Variants in ZNF740 observed in about 807,000 individuals in gnomAD.
ZNF740 encodes oriLyt TD-element-binding protein 7.
In ZNF740, 14 loss-of-function variants were observed where a neutral mutation model predicts 24.8. The ratio of observed to expected loss-of-function variants is 0.56; its 90% CI spans 0.37 to 0.88. ZNF740 has a LOEUF of 0.88. ZNF740 is among the 40% of genes least tolerant of loss of function. The pLI is 0.00. For synonymous variants in ZNF740, 69 were observed against 84.0 expected (o/e 0.82, Z 0.98); for missense variants, 201 against 247.9 (o/e 0.81, Z 1.27).
chr12:53,183,211 G>A (rs1299728160), intron 2 of ZNF740, among the ~76,000 whole-genome samples: 4 of 152,218 alleles, frequency 2.6e-5, no homozygotes, highest in African/African-American at 4.8e-5. Context: ...TGAACTTTGT[G>A]CTAGACACTG....
rs1942086855 is a variant in ZNF740 at position 53,194,478 on chromosome 12, CA to C, written c.*6889del. 1.2e-6 allele frequency: 1 copy of C among 818,082 alleles called. No homozygotes were observed. 50.7% of individuals were successfully genotyped at this position (818,082 alleles called of 1,614,324 possible). A position where few individuals can be genotyped will look rare whatever the true frequency, so the allele number is the denominator to read the frequency against. ...CACCTGGGGCTCCTTCCATTCTGCCCAGTCGAGGCATTTCTGGAGGGAGGAC... is the reference window on the plus strand; with the variant it reads ...CACCTGGGGCTCCTTCCATTCTGCCCGTCGAGGCATTTCTGGAGGGAGGAC... On this transcript the variant is annotated 3_prime_UTR_variant, in exon 7 of 7. Coordinates refer to ENST00000416904, the MANE Select transcript of ZNF740 (RefSeq NM_001004304.4).
chr12:53,195,067 T>G lies in ZNF740; in HGVS notation c.*7477T>G. ...TTATGAAGCAAGGCTTTTGGCAGGG[T>G]TAAATGAAGTAGCAAACAGTATGTA... On this transcript the variant is annotated 3_prime_UTR_variant, in exon 7 of 7. Transcript: ENST00000416904. 3.0e-6 allele frequency: 1 copy of G among 334,944 alleles called. No individual in the cohort carries two copies. Among genetic ancestry groups the G allele is most frequent in the Non-Finnish European group, 5.6e-6 (1 of 179,698 alleles). The allele number at this position is 334,944 out of a possible 1,614,324, so 20.7% of individuals were successfully genotyped here.
chr12:53,187,412 G>C, intron 6 of ZNF740, 89 bp from the exon 7 acceptor site: 3 of 1,041,146 alleles, frequency 2.9e-6, no homozygotes, highest in Non-Finnish European at 4.4e-6. Context: ...GATGGAGAAT[G>C]TGGTATCTGC....
Position 53,192,369 on chromosome 12 carries a change from C to T in ZNF740, c.*4779C>T, listed in dbSNP as rs747774269. The T allele has an allele frequency of 1.5e-5, 24 of 1,613,982 alleles. No individual in the cohort carries two copies. The highest frequency in any genetic ancestry group is 2.2e-5 in the East Asian group (1 of 44,876). On this transcript the variant is annotated 3_prime_UTR_variant, in exon 7 of 7. Transcript: ENST00000416904. ...ACTCTGAGCACGACCGTGCCTCTGG[C>T]GTCATCCTCCACCAAGAAGAAGAAC...
chr12:53,192,078 T>C lies in ZNF740; in HGVS notation c.*4488T>C. ...CTGGAGCATAGGGACAGATCATCAGTTGCTCACAGTGTGTCCAGCCTGTCC... is the reference window on the plus strand; with the variant it reads ...CTGGAGCATAGGGACAGATCATCAGCTGCTCACAGTGTGTCCAGCCTGTCC... On this transcript the variant is annotated 3_prime_UTR_variant, in exon 7 of 7. Transcript: ENST00000416904. 1 of 1,567,436 alleles carries C rather than the reference T, an allele frequency of 6.4e-7. No individual in the cohort carries two copies. The highest frequency in any genetic ancestry group is 8.7e-7 in the Non-Finnish European group (1 of 1,151,748).
Position 53,193,184 on chromosome 12 carries a change from C to G in ZNF740, c.*5594C>G. 1.2e-6 allele frequency: 2 copies of G among 1,614,132 alleles called. No homozygotes were observed. The highest frequency in any genetic ancestry group is 1.7e-6 in the Non-Finnish European group (2 of 1,179,990). ...ATGTCGCTCACAGCTGGCATCGTCA[C>G]ACTCGCACAGATGCCCAGAGCTCTG... On this transcript the variant is annotated 3_prime_UTR_variant, in exon 7 of 7. Coordinates refer to ENST00000416904, the MANE Select transcript of ZNF740 (RefSeq NM_001004304.4).
In ZNF740 at chr12:53,190,122, G is replaced by A. The variant is rs912487580; in HGVS notation, c.*2532G>A. ...CAGTGAGGGAAACTCAGGAGCAGGT[G>A]GTTGGTTCAGTTCCCGCGCTGATGT... On this transcript the variant is annotated 3_prime_UTR_variant, in exon 7 of 7. Transcript: ENST00000416904. 6.6e-6 allele frequency: 1 copy of A among 152,382 alleles called. No homozygotes were observed. The highest frequency in any genetic ancestry group is 2.4e-5 in the African/African-American group (1 of 41,450). The allele number at this position is 152,382 out of a possible 1,614,324, so 9.4% of individuals were successfully genotyped here. A position where few individuals can be genotyped will look rare whatever the true frequency, so the allele number is the denominator to read the frequency against.
In ZNF740 at chr12:53,194,471, T is replaced by G; in HGVS notation, c.*6881T>G. 1 of 901,586 alleles carries G rather than the reference T, an allele frequency of 1.1e-6. No homozygotes were observed. The highest frequency in any genetic ancestry group is 1.7e-6 in the Non-Finnish European group (1 of 585,236). 55.8% of individuals were successfully genotyped at this position (901,586 alleles called of 1,614,324 possible). ...CCTCTGCCACCTGGGGCTCCTTCCA[T>G]TCTGCCCAGTCGAGGCATTTCTGGA... On this transcript the variant is annotated 3_prime_UTR_variant, in exon 7 of 7. Coordinates refer to ENST00000416904, the MANE Select transcript of ZNF740 (RefSeq NM_001004304.4).
At chr12:53,181,049 A>C (rs1014091404) in intron 1 of ZNF740, 1 of 876,264 alleles carries the variant, frequency 1.1e-6, no homozygotes, top group Non-Finnish European at 1.4e-6. Flanking sequence ...GGCCCGGGAG[A>C]GGGCTCTCGG....
intron 1 of ZNF740, 83 bp downstream of exon 1, chr12:53,180,920 G>C (rs1416030548): frequency 1.8e-6 from 2 of 1,094,862 alleles, no homozygotes; most frequent in East Asian, 1.1e-4. Flanking sequence ...GGTGCCGCGC[G>C]GGAAGGGGGA....
Position 53,192,179 on chromosome 12 carries a change from C to G in ZNF740, c.*4589C>G. 1 of 1,186,762 alleles carries G rather than the reference C, an allele frequency of 8.4e-7. No homozygotes were observed. The highest frequency in any genetic ancestry group is 1.2e-6 in the Non-Finnish European group (1 of 841,522). 73.5% of individuals were successfully genotyped at this position (1,186,762 alleles called of 1,614,324 possible). A position where few individuals can be genotyped will look rare whatever the true frequency, so the allele number is the denominator to read the frequency against. On this transcript the variant is annotated 3_prime_UTR_variant, in exon 7 of 7. Transcript: ENST00000416904. ...TCCTCACCGCCCAGGGCCTTAGCCT[C>G]GTCCACTTGCTCAATTGCCTCTGCC... is the stretch of plus-strand genomic sequence containing the variant.
In ZNF740 at chr12:53,191,737, G is replaced by C. The variant is rs1475678018; in HGVS notation, c.*4147G>C. On this transcript the variant is annotated 3_prime_UTR_variant, in exon 7 of 7. Transcript: ENST00000416904. ...CTTGAGCCGAATCCTAGGAGCTGATGGAAGTTAGCAGAGGGGTTGGTTACA... is the reference window on the plus strand; with the variant it reads ...CTTGAGCCGAATCCTAGGAGCTGATCGAAGTTAGCAGAGGGGTTGGTTACA... 1 of 1,518,116 alleles carries C rather than the reference G, an allele frequency of 6.6e-7. No individual in the cohort carries two copies. The highest frequency in any genetic ancestry group is 9.1e-7 in the Non-Finnish European group (1 of 1,094,556). 94.0% of individuals were successfully genotyped at this position (1,518,116 alleles called of 1,614,324 possible). A position where few individuals can be genotyped will look rare whatever the true frequency, so the allele number is the denominator to read the frequency against.
In ZNF740 at chr12:53,193,259, AG is replaced by A; in HGVS notation, c.*5673del. On this transcript the variant is annotated 3_prime_UTR_variant, in exon 7 of 7. Coordinates refer to ENST00000416904, the MANE Select transcript of ZNF740 (RefSeq NM_001004304.4). ...TTGACAGTGACCCTTTCCACTGCACAGGGGCCCTGTGCCATTGGGAGCCCGG... is the reference window on the plus strand; with the variant it reads ...TTGACAGTGACCCTTTCCACTGCACAGGGCCCTGTGCCATTGGGAGCCCGG... 1 of 1,614,038 alleles carries A rather than the reference AG, an allele frequency of 6.2e-7. No homozygotes were observed. Among genetic ancestry groups the A allele is most frequent in the Non-Finnish European group, 8.5e-7 (1 of 1,179,928 alleles).
chr12:53,180,902 A>G, intron 1 of ZNF740, 65 bp downstream of exon 1: 1 of 1,115,002 alleles, frequency 9.0e-7, no homozygotes, highest in Non-Finnish European at 1.1e-6. Flanking sequence ...GTAGCTCGCA[A>G]GCCGTGGGGT....
rs529785290 is a variant in ZNF740, at chr12:53,188,885, C to G, written c.*1295C>G. 3.9e-5 allele frequency: 6 copies of G among 152,076 alleles called. No individual in the cohort carries two copies. The highest frequency in any genetic ancestry group is 1.4e-4 in the African/African-American group (6 of 41,422). The allele number at this position is 152,076 out of a possible 1,614,324, so 9.4% of individuals were successfully genotyped here. A position where few individuals can be genotyped will look rare whatever the true frequency, so the allele number is the denominator to read the frequency against. ...CCTTGTCCACTCCCAAAAAAGTAAT[C>G]GGGTGTGTGTGTGTGTGTGAGAGAG... On this transcript the variant is annotated 3_prime_UTR_variant, in exon 7 of 7. Coordinates refer to ENST00000416904, the MANE Select transcript of ZNF740 (RefSeq NM_001004304.4).
chr12:53,181,596 CAA>C, intron 1 of ZNF740, 79 bp from the exon 2 acceptor site: 6 of 708,054 alleles, frequency 8.5e-6, no homozygotes, highest in African/African-American at 1.9e-5. Flanking sequence ...GAGCGCCCAG[CAA>C]AAAAAAAATT....
In ZNF740 at chr12:53,187,645, C is replaced by T. The variant is rs143139854; in HGVS notation, c.*55C>T. 1.4e-6 allele frequency: 2 copies of T among 1,433,750 alleles called. No homozygotes were observed. The highest frequency in any genetic ancestry group is 2.0e-6 in the Non-Finnish European group (2 of 1,022,648). 88.8% of individuals were successfully genotyped at this position (1,433,750 alleles called of 1,614,324 possible). A position where few individuals can be genotyped will look rare whatever the true frequency, so the allele number is the denominator to read the frequency against. On this transcript the variant is annotated 3_prime_UTR_variant, in exon 7 of 7. Coordinates refer to ENST00000416904, the MANE Select transcript of ZNF740 (RefSeq NM_001004304.4). ...TCAGAAGAACCTGCCGAAGAGCACA[C>T]CCCCTCTGGTCTGATGGTCCCACCA...
In ZNF740 at chr12:53,191,547, C is replaced by T. The variant is rs751579957; in HGVS notation, c.*3957C>T. The T allele has an allele frequency of 3.7e-6, 6 of 1,604,166 alleles. No homozygotes were observed. The highest frequency in any genetic ancestry group is 5.1e-6 in the Non-Finnish European group (6 of 1,170,928). On this transcript the variant is annotated 3_prime_UTR_variant, in exon 7 of 7. Transcript: ENST00000416904. ...GGAGAAGAGCCTTGGGTAAGTGTCC[C>T]TCCCTCCTTCAGAGAGTGGGACTGT...
At chr12:53,184,293 ATTC>A (rs1376090347) in intron 2 of ZNF740, among the ~76,000 whole-genome samples, 12 of 151,994 alleles carry the variant, frequency 7.9e-5, no homozygotes, top group Non-Finnish European at 1.3e-4. Flanking sequence ...GGTTCAAGCA[ATTC>A]TTCTGCCTCA....
Sources: allele counts gnomAD v4.1 joint callset (sites outside exome capture counted in the v4.1 genomes callset), GRCh38; gene constraint gnomAD v4.1.1; transcripts MANE v1.5; gene names NCBI Gene and HGNC (gene_info 2026-07-23, HGNC 2026-07-21).